The following COL11A2 variants were observed in gnomAD, a reference collection of about 807,000 sequenced individuals.
COL11A2 encodes collagen type XI alpha 2 chain, also known as collagen alpha-2(XI) chain.
In COL11A2, 116 loss-of-function variants were observed where a neutral mutation model predicts 273.4. The observed-to-expected ratio is 0.42, with a 90% CI of 0.36 to 0.49. The LOEUF is 0.49. COL11A2 is among the 20% of genes least tolerant of loss of function. The pLI, the probability that COL11A2 is intolerant of heterozygous loss-of-function variation, is 0.00. For missense variants in COL11A2, 1,866 were observed against 2,309.0 expected (o/e 0.81, Z 3.93); for synonymous variants, 782 against 864.2 (o/e 0.90, Z 1.67).
At position 33,173,671 on chromosome 6, in the gene COL11A2, A is replaced by G; in HGVS notation, c.2628+30T>C. ...CTCACCCAGGCTCCCTGGGGACCTC[A>G]GGGGAAGGGGACTTTCGATCCACAC... On this transcript the variant is annotated intron_variant, in intron 35 of 65. Transcript: ENST00000341947. The surrounding 1 kb of genome is among the most constrained non-coding windows in gnomAD (Gnocchi z 6.3). 3 of 1,558,848 alleles carry G rather than the reference A, an allele frequency of 1.9e-6. No homozygotes were observed. The highest frequency in any genetic ancestry group is 2.6e-6 in the Non-Finnish European group (3 of 1,149,192).
intron 10 of COL11A2, 24 bp downstream of exon 10, chr6:33,180,940 C>T: frequency 6.2e-7 from 1 of 1,613,708 alleles, no homozygotes; most frequent in South Asian, 1.1e-5. Flanking sequence ...AAAAGAATGG[C>T]CACCAGGTCA....
At chr6:33,171,982 C>T (rs1481816488) in intron 41 of COL11A2, 68 bp downstream of exon 41, 21 of 1,583,176 alleles carry the variant, frequency 1.3e-5, no homozygotes, top group Non-Finnish European at 1.8e-5. Flanking sequence ...ATCAGAATGC[C>T]ACTCCCACCC....
chr6:33,179,271 C>A lies in COL11A2; in HGVS notation c.1517G>T (p.Ser506Ile). 1 of 1,611,270 alleles carries A rather than the reference C, an allele frequency of 6.2e-7. No individual in the cohort carries two copies. The highest frequency in any genetic ancestry group is 1.1e-5 in the South Asian group (1 of 90,224). The change falls in exon 15 of 66, where the codon AGC becomes ATC. Residue 506 changes from serine to isoleucine, a missense_variant. Physicochemically the swap from Ser to Ile is moderately radical, Grantham distance 142 (BLOSUM62 -2). Transcript: ENST00000341947. The surrounding 1 kb of genome is among the most constrained non-coding windows in gnomAD (Gnocchi z 6.4). ...GRPGPLGQPG[S>I]PGLKGESGDL... is the part of the protein sequence containing the mutation. ...TCCAGACTCTCCTTTCAGGCCAGGGCTCCCAGGTTGGCCCTGGGAGAGAGA... is the reference window on the plus strand; with the variant it reads ...TCCAGACTCTCCTTTCAGGCCAGGGATCCCAGGTTGGCCCTGGGAGAGAGA...
rs1256436583 is a variant in COL11A2 at position 33,174,458 on chromosome 6, A to T, written c.2430+69T>A. The T allele has an allele frequency of 3.2e-6, 5 of 1,583,434 alleles. No individual in the cohort carries two copies. In the African/African-American group the frequency reaches 5.4e-5, roughly 17 times the overall value. Reference sequence around the variant, plus strand: ...ACTGCCCTGCATCTGTGCTTTCTGGAATCAGGGATCAGGGAAGCGAAGAGG... The same window carrying T: ...ACTGCCCTGCATCTGTGCTTTCTGGTATCAGGGATCAGGGAAGCGAAGAGG... On this transcript the variant is annotated intron_variant, in intron 31 of 65. Coordinates refer to ENST00000341947, the MANE Select transcript of COL11A2 (RefSeq NM_080680.3).
intron 8 of COL11A2, among the ~76,000 whole-genome samples, chr6:33,182,251 G>A (rs541286646): frequency 3.9e-5 from 6 of 152,204 alleles, no homozygotes; most frequent in Admixed American, 3.3e-4. Context: ...TCCAGCCTAG[G>A]CAACAAGAGC....
chr6:33,188,202 C>A (rs1772652596), intron 4 of COL11A2, among the ~76,000 whole-genome samples, 160 bp downstream of exon 4: 1 of 151,424 alleles, frequency 6.6e-6, no homozygotes, highest in Non-Finnish European at 1.5e-5. Flanking sequence ...AGTTCTCCTG[C>A]AGAGAACAGT....
rs566840398 is a variant in COL11A2, at chr6:33,190,745, G to C, written c.83-1276C>G. Among the ~76,000 whole-genome samples, 1 of 152,044 alleles carries C rather than the reference G, an allele frequency of 6.6e-6. No individual in the cohort carries two copies. The stretch of plus-strand genomic sequence containing the variant: ...CAGCTCCGCAAACACCAACACACAA[G>C]GGCCGCTTTGAGAGACGAAGGGTGA... On this transcript the variant is annotated intron_variant, in intron 1 of 65. Transcript: ENST00000341947. The surrounding 1 kb of genome is among the most constrained non-coding windows in gnomAD (Gnocchi z 4.5).
At chr6:33,168,289 A>C (rs1459662391) in intron 54 of COL11A2, among the ~76,000 whole-genome samples, 1 of 149,550 alleles carries the variant, frequency 6.7e-6, no homozygotes, top group Non-Finnish European at 1.5e-5. Flanking sequence ...ACACTCGCCC[A>C]GTGCAATGAG....
At chr6:33,187,104 G>A (rs1238754981) in intron 4 of COL11A2, among the ~76,000 whole-genome samples, 1 of 152,206 alleles carries the variant, frequency 6.6e-6, no homozygotes, top group African/African-American at 2.4e-5. Flanking sequence ...AGGTCACCCA[G>A]AGTGGCAGAA....
In COL11A2 at chr6:33,172,633, G is replaced by C. The variant is rs1414752329; in HGVS notation, c.2795C>G (p.Ala932Gly). ...CCCCATAGGGCCGGTTTCTCCTGCT[G>C]CTCCCTAGACAAAAGCAGAGAGAGT... The part of the protein sequence containing the change: ...GPPGVVGPQG[A>G]AGETGPMGER... The change falls in exon 39 of 66, where the codon GCA (alanine) becomes GGA (glycine). Residue 932 changes from alanine (A) to glycine (G), a missense_variant. Physicochemically the swap from Ala to Gly is moderately conservative, Grantham distance 60 (BLOSUM62 0). Coordinates refer to ENST00000341947, the MANE Select transcript of COL11A2 (RefSeq NM_080680.3). 6.2e-7 allele frequency: 1 copy of C among 1,611,798 alleles called. No individual in the cohort carries two copies. Among genetic ancestry groups the C allele is most frequent in the Non-Finnish European group, 8.5e-7 (1 of 1,179,696 alleles).
chr6:33,176,852 T>C lies in COL11A2; in HGVS notation c.2071-87A>G. 6.5e-7 allele frequency: 1 copy of C among 1,547,328 alleles called. No individual in the cohort carries two copies. The highest frequency in any genetic ancestry group is 2.3e-5 in the East Asian group (1 of 43,796). On this transcript the variant is annotated intron_variant, in intron 25 of 65. Transcript: ENST00000341947. The surrounding 1 kb of genome is among the most constrained non-coding windows in gnomAD (Gnocchi z 4.9). The stretch of plus-strand genomic sequence containing the variant: ...TACACTTCTTCCAACCCAAATTTCC[T>C]GTGACCTAGTGAAGCCAACTGTCCA...
chr6:33,171,779 G>A lies in COL11A2; in HGVS notation c.3084C>T (p.Pro1028=), dbSNP rs1370816589. 1.9e-6 allele frequency: 3 copies of A among 1,612,760 alleles called. No individual in the cohort carries two copies. The highest frequency in any genetic ancestry group is 1.3e-5 in the African/African-American group (1 of 74,912). ...GGCCTGGGCGCCCTGGCGGACCAATGGGTCCCCCTGATCCTGCTGCACCTC... is the reference window on the plus strand; with the variant it reads ...GGCCTGGGCGCCCTGGCGGACCAATAGGTCCCCCTGATCCTGCTGCACCTC... ...GERGAAGSGG[P]IGPPGRPGPQ... is the part of the protein sequence containing the mutation. The change falls in exon 42 of 66, where the codon CCC becomes CCT. Residue 1028 remains proline, a synonymous_variant. Coordinates refer to ENST00000341947, the MANE Select transcript of COL11A2 (RefSeq NM_080680.3).
chr6:33,177,085 C>A lies in COL11A2; in HGVS notation c.2017-40G>T. The A allele has an allele frequency of 6.2e-7, 1 of 1,612,314 alleles. No individual in the cohort carries two copies. Among genetic ancestry groups the A allele is most frequent in the Non-Finnish European group, 8.5e-7 (1 of 1,179,516 alleles). ...AGAGGCTCAGGGTCACTAGAGGGGT[C>A]ATGTCTGGACACAGACAAAATCCCA... On this transcript the variant is annotated intron_variant, in intron 24 of 65. Transcript: ENST00000341947. The surrounding 1 kb of genome is among the most constrained non-coding windows in gnomAD (Gnocchi z 5.9).
In COL11A2 at chr6:33,165,263, G is replaced by A. The variant is rs79131379; in HGVS notation, c.4750+286C>T. Among the ~76,000 whole-genome samples the A allele has an allele frequency of 0.064, 9,698 of 152,182 alleles. 486 individuals carry two copies. Among genetic ancestry groups the A allele is most frequent in the East Asian group, 0.24 (1,242 of 5,162 alleles). On this transcript the variant is annotated intron_variant, in intron 63 of 65. Coordinates refer to ENST00000341947, the MANE Select transcript of COL11A2 (RefSeq NM_080680.3). This position sits in a 1 kb window ranked among gnomAD's most constrained non-coding sequence, Gnocchi z 7.7. ...ACTGGGACAACATGTGGTTGCAGGC[G>A]CTCACACAGATTCATCTGTTCAGGT...
At position 33,169,520 on chromosome 6, in the gene COL11A2, C is replaced by T. The variant is rs1769729855; in HGVS notation, c.3691-30G>A. On this transcript the variant is annotated intron_variant, in intron 50 of 65. Coordinates refer to ENST00000341947, the MANE Select transcript of COL11A2 (RefSeq NM_080680.3). This position sits in a 1 kb window ranked among gnomAD's most constrained non-coding sequence, Gnocchi z 5.5. Reference sequence around the variant, plus strand: ...AGAACAAGCGGAGGACACAGATGGCCCAGGGAATCTTGAAGATCAGGGATG... The same window carrying T: ...AGAACAAGCGGAGGACACAGATGGCTCAGGGAATCTTGAAGATCAGGGATG... 1 of 1,603,032 alleles carries T rather than the reference C, an allele frequency of 6.2e-7. No individual in the cohort carries two copies.
chr6:33,176,523 C>T lies in COL11A2; in HGVS notation c.2116-37G>A, dbSNP rs1216496969. On this transcript the variant is annotated intron_variant, in intron 26 of 65. Coordinates refer to ENST00000341947, the MANE Select transcript of COL11A2 (RefSeq NM_080680.3). The surrounding 1 kb of genome is among the most constrained non-coding windows in gnomAD (Gnocchi z 4.9). ...AAGAGAGGCATTTATAAAGGGGCCT[C>T]AGAGTGTCACTGTGGGGGCCTCCAG... 1.3e-6 allele frequency: 2 copies of T among 1,587,862 alleles called. No homozygotes were observed. Among genetic ancestry groups the T allele is most frequent in the South Asian group, 1.1e-5 (1 of 90,192 alleles).
At position 33,167,552 on chromosome 6, in the gene COL11A2, A is replaced by G; in HGVS notation, c.4015-19T>C. On this transcript the variant is annotated intron_variant, in intron 55 of 65. Transcript: ENST00000341947. The surrounding 1 kb of genome is among the most constrained non-coding windows in gnomAD (Gnocchi z 6.1). ...GATCTCCCTGAAACACACACAAGGAATGTGTCCTGAATGGCAGAGGAGTGG... is the reference window on the plus strand; with the variant it reads ...GATCTCCCTGAAACACACACAAGGAGTGTGTCCTGAATGGCAGAGGAGTGG... 6.2e-7 allele frequency: 1 copy of G among 1,609,932 alleles called. No individual in the cohort carries two copies. The highest frequency in any genetic ancestry group is 8.5e-7 in the Non-Finnish European group (1 of 1,177,530).
chr6:33,184,056 G>T, intron 8 of COL11A2, 89 bp downstream of exon 8: 1 of 1,176,788 alleles, frequency 8.5e-7, no homozygotes, highest in Non-Finnish European at 1.2e-6. Flanking sequence ...ATAGCTCACA[G>T]CCAACAGCCA....
In COL11A2 at chr6:33,166,633, A is replaced by G; in HGVS notation, c.4339-67T>C. ...CACCCTCCTGAGCACCTGCTCGCTT[A>G]CCCACAGCTGAGTCCCAACTCCAAC... On this transcript the variant is annotated intron_variant, in intron 59 of 65. Transcript: ENST00000341947. This position sits in a 1 kb window ranked among gnomAD's most constrained non-coding sequence, Gnocchi z 4.8. 6.2e-7 allele frequency: 1 copy of G among 1,610,822 alleles called. No homozygotes were observed. The highest frequency in any genetic ancestry group is 1.1e-5 in the South Asian group (1 of 90,918).
Sources: allele counts gnomAD v4.1 joint callset (sites outside exome capture counted in the v4.1 genomes callset), GRCh38; gene constraint gnomAD v4.1.1; non-coding constraint Gnocchi (gnomAD v3.1); transcripts MANE v1.5; gene names NCBI Gene and HGNC (gene_info 2026-07-23, HGNC 2026-07-21).